SUGCT: variants seen among roughly 807,000 people sequenced by gnomAD.
SUGCT encodes succinyl-CoA:glutarate-CoA transferase.
In SUGCT, 41 loss-of-function variants were observed where a neutral mutation model predicts 55.0. The ratio of observed to expected loss-of-function variants is 0.74; its 90% confidence interval spans 0.58 to 0.97. The LOEUF (loss-of-function observed/expected upper bound fraction) is 0.97. SUGCT is among the 50% of genes least tolerant of loss of function. The pLI is 0.00. For missense variants in SUGCT, 568 were observed against 547.8 expected (o/e 1.04, Z -0.37); for synonymous variants, 187 against 200.4 (o/e 0.93, Z 0.56).
At chr7:40,347,601 C>T (rs185946740) in intron 9 of SUGCT, among the ~76,000 whole-genome samples, 6 of 152,148 alleles carry the variant, frequency 3.9e-5, no homozygotes, top group African/African-American at 1.4e-4. Context: ...CTCATTCTGT[C>T]CCTAATCAAA....
At chr7:40,641,717 G>C (rs1800277336) in intron 12 of SUGCT, among the ~76,000 whole-genome samples, 1 of 152,136 alleles carries the variant, frequency 6.6e-6, no homozygotes, top group Admixed American at 6.5e-5. Context: ...ATGTGTAAAG[G>C]TTTCCCCTTT....
At chr7:40,515,179 C>G (rs1793167888) in intron 12 of SUGCT, among the ~76,000 whole-genome samples, 1 of 152,140 alleles carries the variant, frequency 6.6e-6, no homozygotes, top group African/African-American at 2.4e-5. Flanking sequence ...TCATGCTACC[C>G]CTTGAGAGCC....
At chr7:40,199,891 C>T (rs191241787) in intron 6 of SUGCT, among the ~76,000 whole-genome samples, 4 of 151,226 alleles carry the variant, frequency 2.6e-5, no homozygotes, top group African/African-American at 7.3e-5. Context: ...TATAGCATTA[C>T]ATAGAGTTAA....
At chr7:40,947,390 G>A in the SUGCT span, among the ~76,000 whole-genome samples, 1 of 151,926 alleles carries the variant, frequency 6.6e-6, no homozygotes, top group South Asian at 2.1e-4. Flanking sequence ...GTTTGTACAT[G>A]TTTAAATTAT....
rs574736316 is a variant in SUGCT, at chr7:40,625,638, T to C, written c.1090-123796T>C. Reference sequence around the variant, plus strand: ...TTACCCCAGGCAACTCATTAGGGTATTTTTCTAAACAAAGACAGTTTTCTC... The same window carrying C: ...TTACCCCAGGCAACTCATTAGGGTACTTTTCTAAACAAAGACAGTTTTCTC... On this transcript the variant is annotated intron_variant, in intron 12 of 13. Coordinates refer to ENST00000335693, the MANE Select transcript of SUGCT (RefSeq NM_001193313.2). 7.2e-5 allele frequency among the ~76,000 whole-genome samples: 11 copies of C among 152,290 alleles called. No individual in the cohort carries two copies. In the East Asian group the frequency reaches 2.1e-3, roughly 29 times the overall value.
intron 12 of SUGCT, among the ~76,000 whole-genome samples, chr7:40,605,778 G>A (rs1798501417): frequency 6.6e-6 from 1 of 152,212 alleles, no homozygotes; most frequent in Admixed American, 6.5e-5. Flanking sequence ...AGTATTAAAA[G>A]ATATTTGTAT....
At chr7:41,014,995 A>G in the SUGCT span, among the ~76,000 whole-genome samples, 2 of 152,198 alleles carry the variant, frequency 1.3e-5, no homozygotes, top group Non-Finnish European at 2.9e-5. Flanking sequence ...GAGAATTATG[A>G]TCTTTTTAAA....
At chr7:40,276,817 G>GTGTGTGTGTGTGTC (rs776466354) in intron 8 of SUGCT, among the ~76,000 whole-genome samples, 1 of 150,460 alleles carries the variant, frequency 6.6e-6, no homozygotes, top group South Asian at 2.1e-4. Flanking sequence ...GTGTGTGTGT[G>GTGTGTGTGTGTGTC]TGTCTGTCTG....
At chr7:40,202,397 T>C (rs1786663868) in intron 6 of SUGCT, among the ~76,000 whole-genome samples, 1 of 152,140 alleles carries the variant, frequency 6.6e-6, no homozygotes. Context: ...GTGAAGAGGA[T>C]GTGTGTGTGT....
chr7:41,006,160 T>A, the SUGCT span, among the ~76,000 whole-genome samples: 1 of 152,356 alleles, frequency 6.6e-6, no homozygotes, highest in African/African-American at 2.4e-5. Context: ...GAAAATGATC[T>A]TGGCCTTTCA....
intron 13 of SUGCT, among the ~76,000 whole-genome samples, chr7:40,792,371 A>G (rs980755549): frequency 2.6e-5 from 4 of 152,134 alleles, no homozygotes; most frequent in Non-Finnish European, 4.4e-5. Flanking sequence ...GAGGATACTA[A>G]GGTAGATTAC....
intron 8 of SUGCT, among the ~76,000 whole-genome samples, chr7:40,315,087 G>A (rs1455633471): frequency 6.7e-6 from 1 of 149,512 alleles, no homozygotes. Context: ...GTATTATTTG[G>A]TTGAATACGA....
intron 1 of SUGCT, among the ~76,000 whole-genome samples, chr7:40,165,043 GCTAA>G (rs1784356018): frequency 2.0e-5 from 3 of 152,144 alleles, no homozygotes; most frequent in Admixed American, 2.0e-4. Flanking sequence ...GAAACATCAT[GCTAA>G]CTATTATAGA....
At chr7:40,568,002 A>G (rs1323412398) in intron 12 of SUGCT, among the ~76,000 whole-genome samples, 1 of 152,238 alleles carries the variant, frequency 6.6e-6, no homozygotes, top group Admixed American at 6.5e-5. Flanking sequence ...AAAGTCTTCA[A>G]ATGAATGATT....
chr7:40,965,044 T>G, the SUGCT span: 6 of 152,266 alleles, frequency 3.9e-5, no homozygotes, highest in Admixed American at 3.9e-4. Context: ...TTGCCTAAAC[T>G]GGATTGCATT....
At chr7:40,312,555 A>G (rs1320520056) in intron 8 of SUGCT, among the ~76,000 whole-genome samples, 1 of 152,084 alleles carries the variant, frequency 6.6e-6, no homozygotes, top group Non-Finnish European at 1.5e-5. Flanking sequence ...ATGCATGGGT[A>G]GGTTAAGGAA....
At chr7:40,971,198 A>G in the SUGCT span, among the ~76,000 whole-genome samples, 1 of 152,130 alleles carries the variant, frequency 6.6e-6, no homozygotes, top group Non-Finnish European at 1.5e-5. Flanking sequence ...GAGCGGGAGC[A>G]AGAGAGAGCG....
At chr7:41,033,651 G>A in the SUGCT span, among the ~76,000 whole-genome samples, 1 of 152,112 alleles carries the variant, frequency 6.6e-6, no homozygotes, top group Non-Finnish European at 1.5e-5. Context: ...GAATTTCCAG[G>A]AAACTTATTT....
In SUGCT at chr7:40,525,129, A is replaced by C. The variant is rs74921267; in HGVS notation, c.1089+28743A>C. On this transcript the variant is annotated intron_variant, in intron 12 of 13. Transcript: ENST00000335693. Reference sequence around the variant, plus strand: ...ATAATGAAATTAGAGGCACTGATCTATAATTAAATCCTGGAGAGTAAGCAA... The same window carrying C: ...ATAATGAAATTAGAGGCACTGATCTCTAATTAAATCCTGGAGAGTAAGCAA... 3.5e-3 allele frequency among the ~76,000 whole-genome samples: 526 copies of C among 152,358 alleles called. 22 individuals carry two copies. In the East Asian group the frequency reaches 0.084, roughly 24 times the overall value.
Sources: allele counts gnomAD v4.1 joint callset (sites outside exome capture counted in the v4.1 genomes callset), GRCh38; gene constraint gnomAD v4.1.1; transcripts MANE v1.5; gene names NCBI Gene and HGNC (gene_info 2026-07-23, HGNC 2026-07-21).